Variants in PDE1C observed in about 807,000 individuals in gnomAD.
PDE1C encodes the protein phosphodiesterase 1C, also known as dual specificity calcium/calmodulin-dependent 3',5'-cyclic nucleotide phosphodiesterase 1C.
PDE1C carries 62 observed loss-of-function variants against 93.1 expected under a neutral mutation model. That is an observed-to-expected ratio of 0.67 (90% CI 0.54 to 0.82). The LOEUF is 0.82. Among genes scored for constraint, PDE1C ranks in the 40% least tolerant of loss-of-function variants. PDE1C has a pLI of 0.00. For synonymous variants in PDE1C, 325 were observed against 310.1 expected, an observed-to-expected ratio of 1.05 and a Z score of -0.50; for missense variants, 742 against 884.6, an observed-to-expected ratio of 0.84 and a Z score of 2.04.
At chr7:32,070,468 T>TCGCGATGCCCAGCC (rs1795911543), upstream of PDE1C, 3 of 1,579,616 alleles carry the variant, frequency 1.9e-6, no homozygotes, top group Admixed American at 3.6e-5. Flanking sequence ...CTCGCCCAGC[T>TCGCGATGCCCAGCC]CGCGATGCCC....
chr7:31,918,911 C>G (rs908145337), intron 2 of PDE1C, among the ~76,000 whole-genome samples: 18 of 152,162 alleles, frequency 1.2e-4, no homozygotes, highest in Admixed American at 2.6e-4. Flanking sequence ...GGCTAAGTTC[C>G]CTGGTGGGAC....
rs1253218617 is a variant in PDE1C at position 31,760,480 on chromosome 7, T to C, written c.1961-6927A>G. ...TTTCCCATAGCACTGGCCTTGGTCC[T>C]TTCAATCCACTGTGACTTCAGTGTG... On this transcript the variant is annotated intron_variant, in intron 17 of 17. Transcript: ENST00000396191. Among the ~76,000 whole-genome samples the C allele has an allele frequency of 3.9e-5, 6 of 152,278 alleles. No homozygotes were observed. In the East Asian group the frequency reaches 1.2e-3, roughly 29 times the overall value.
chr7:32,002,126 G>T (rs75427929), intron 2 of PDE1C, among the ~76,000 whole-genome samples: 2,085 of 152,248 alleles, frequency 0.014, 22 homozygotes, highest in Admixed American at 0.022. Flanking sequence ...AGTAAAAACT[G>T]CAGTGGGAAC....
At chr7:32,107,313 AGAAG>A (rs1192882054) in intron 3 of PDE1C, among the ~76,000 whole-genome samples, 1 of 148,446 alleles carries the variant, frequency 6.7e-6, no homozygotes, top group Non-Finnish European at 1.5e-5. Flanking sequence ...AAGGAAGGAA[AGAAG>A]GAAGGGAGGG....
At chr7:32,034,979 T>C (rs527310372) in intron 2 of PDE1C, among the ~76,000 whole-genome samples, 18 of 152,314 alleles carry the variant, frequency 1.2e-4, no homozygotes, top group African/African-American at 4.3e-4. Context: ...ATTATGGCTA[T>C]TTTTATTATT....
intron 17 of PDE1C, among the ~76,000 whole-genome samples, chr7:31,759,713 G>A (rs1227148173): frequency 6.6e-6 from 1 of 152,056 alleles, no homozygotes; most frequent in Non-Finnish European, 1.5e-5. Context: ...TTATAATTAT[G>A]CTCCATGTTT....
chr7:31,913,408 G>GAA (rs34028267), intron 2 of PDE1C, among the ~76,000 whole-genome samples: 8 of 148,288 alleles, frequency 5.4e-5, no homozygotes, highest in Admixed American at 2.7e-4. Context: ...GAATCAAGGT[G>GAA]AAAAAAAAAA....
At chr7:32,255,048 C>T (rs549156175) in intron 1 of PDE1C, among the ~76,000 whole-genome samples, 1 of 152,300 alleles carries the variant, frequency 6.6e-6, no homozygotes, top group East Asian at 1.9e-4. Context: ...TTCCCCATTG[C>T]CAAAGTATTC....
intron 2 of PDE1C, among the ~76,000 whole-genome samples, chr7:32,199,564 T>C (rs749329692): frequency 2.0e-5 from 3 of 152,204 alleles, no homozygotes; most frequent in Non-Finnish European, 4.4e-5. Context: ...TTCAACACAG[T>C]TGGTAAACTG....
chr7:31,956,500 TA>T (rs1198207142), intron 2 of PDE1C, among the ~76,000 whole-genome samples: 2 of 151,392 alleles, frequency 1.3e-5, no homozygotes, highest in African/African-American at 4.9e-5. Context: ...TTTTTTTTTT[TA>T]ATGCTACAAC....
At chr7:31,711,397 T>C in the PDE1C span, among the ~76,000 whole-genome samples, 4 of 152,110 alleles carry the variant, frequency 2.6e-5, no homozygotes, top group Non-Finnish European at 4.4e-5. Flanking sequence ...AATTCAATCA[T>C]GAAAAAACTA....
chr7:32,366,787 CT>C lies in PDE1C; in HGVS notation c.310+61034del, dbSNP rs761356504. 8.6e-5 allele frequency among the ~76,000 whole-genome samples: 13 copies of C among 151,958 alleles called. 2 individuals are homozygous for C. Among genetic ancestry groups the C allele is most frequent in the East Asian group, 1.9e-4 (1 of 5,180 alleles). Reference sequence around the variant, plus strand: ...ATATTCAAAATACTGAAAGAAAAGGCTGCCGGTCAGGCAGATCATGAGGTCA... The same window carrying C: ...ATATTCAAAATACTGAAAGAAAAGGCGCCGGTCAGGCAGATCATGAGGTCA... On this transcript the variant is annotated intron_variant, in intron 1 of 1. Transcript: ENST00000672256.
intron 3 of PDE1C, among the ~76,000 whole-genome samples, chr7:32,107,940 C>G (rs28630730): frequency 6.6e-6 from 1 of 151,674 alleles, no homozygotes; most frequent in South Asian, 2.1e-4. Flanking sequence ...GGATTTGGAT[C>G]TGTTGTATAT....
the PDE1C span, among the ~76,000 whole-genome samples, chr7:31,639,532 GTTTTTGTTTTTT>G: frequency 8.8e-5 from 4 of 45,532 alleles, no homozygotes; most frequent in African/African-American, 4.1e-4. Context: ...TTGTTTGTTT[GTTTTTGTTTTTT>G]TTTTTTTTTT....
the PDE1C span, among the ~76,000 whole-genome samples, chr7:31,712,344 T>G: frequency 2.0e-5 from 3 of 152,220 alleles, no homozygotes; most frequent in Non-Finnish European, 4.4e-5. Context: ...AGCCTAAGTT[T>G]GCCTTACCAT....
intron 1 of PDE1C, among the ~76,000 whole-genome samples, chr7:32,384,687 T>G (rs934359813): frequency 6.6e-6 from 1 of 152,088 alleles, no homozygotes; most frequent in African/African-American, 2.4e-5. Flanking sequence ...GGAGGGTAAA[T>G]TTTCCCAAGG....
intron 3 of PDE1C, among the ~76,000 whole-genome samples, chr7:32,141,985 C>A (rs757965515): frequency 3.9e-5 from 6 of 152,116 alleles, no homozygotes; most frequent in Admixed American, 6.6e-5. Context: ...AAATAGCTGG[C>A]CTTTTTTTAG....
intron 14 of PDE1C, among the ~76,000 whole-genome samples, chr7:31,818,767 T>C (rs1788589181): frequency 6.6e-6 from 1 of 152,102 alleles, no homozygotes; most frequent in Non-Finnish European, 1.5e-5. Context: ...TAGAAAATAA[T>C]TTATAAGCCC....
chr7:32,359,885 A>C (rs553450977), intron 1 of PDE1C, among the ~76,000 whole-genome samples: 137 of 152,116 alleles, frequency 9.0e-4, no homozygotes, highest in Non-Finnish European at 1.6e-3. Flanking sequence ...TTCAAGATCA[A>C]CTCAAATGCC....
Sources: allele counts gnomAD v4.1 joint callset (sites outside exome capture counted in the v4.1 genomes callset), GRCh38; gene constraint gnomAD v4.1.1; transcripts MANE v1.5; gene names NCBI Gene and HGNC (gene_info 2026-07-23, HGNC 2026-07-21).